Variants in RPS6KL1 observed in about 807,000 individuals in gnomAD.
The protein encoded by RPS6KL1 is ribosomal protein S6 kinase-like 1.
In RPS6KL1, 41 loss-of-function variants were observed where a neutral mutation model predicts 57.0. The observed-to-expected ratio is 0.72, with a 90% CI of 0.56 to 0.93. The LOEUF (loss-of-function observed/expected upper bound fraction) is 0.93, where lower values mean the gene tolerates loss of function less well. RPS6KL1 is among the 40% of genes least tolerant of loss of function. The pLI, the probability that RPS6KL1 is intolerant of heterozygous loss-of-function variation, is 0.00. For synonymous variants in RPS6KL1, 287 were observed against 309.7 expected, an observed-to-expected ratio of 0.93 and a Z score of 0.77; for missense variants, 697 against 727.7, an observed-to-expected ratio of 0.96 and a Z score of 0.49.
At chr14:74,911,958 C>T (rs1044421000) in intron 5 of RPS6KL1, 117 bp from the exon 6 acceptor site, 7 of 796,476 alleles carry the variant, frequency 8.8e-6, no homozygotes, top group South Asian at 1.6e-5. Flanking sequence ...AGTGGCAGGG[C>T]AGGGAGGGCG....
chr14:74,908,257 C>T (rs1885258381), intron 10 of RPS6KL1, among the ~76,000 whole-genome samples: 1 of 152,228 alleles, frequency 6.6e-6, no homozygotes, highest in African/African-American at 2.4e-5. Context: ...TTGCTGCCTA[C>T]ATAACTGGCC....
chr14:74,918,093 A>ATTT (rs67643187), intron 5 of RPS6KL1, among the ~76,000 whole-genome samples: 9 of 149,710 alleles, frequency 6.0e-5, no homozygotes, highest in Non-Finnish European at 1.3e-4. Flanking sequence ...TCTTCTTTTT[A>ATTT]TATTTTATTT....
At chr14:74,910,642 C>T (rs9652372) in intron 7 of RPS6KL1, 19,222 of 157,580 alleles carry the variant, frequency 0.12, 1,516 homozygotes, top group African/African-American at 0.23. Context: ...CCCAAGGGAT[C>T]GGCACAACCC....
In RPS6KL1 at chr14:74,919,828, G is replaced by GGT. The variant is rs748985566; in HGVS notation, c.390+16_390+17insAC. On this transcript the variant is annotated intron_variant, in intron 4 of 11. Transcript: ENST00000557413. Reference sequence around the variant, plus strand: ...CCTCCTCCCGCTCAGGCCTTTGGGTGGGGGGGGTCTCCTCACCGCGCTGGG... The same window carrying GGT: ...CCTCCTCCCGCTCAGGCCTTTGGGTGGTGGGGGGGTCTCCTCACCGCGCTGGG... 274 of 1,491,556 alleles carry GGT rather than the reference G, an allele frequency of 1.8e-4. 4 individuals are homozygous for GGT. In the South Asian group the frequency reaches 2.8e-3, roughly 15 times the overall value. The allele number at this position is 1,491,556 out of a possible 1,614,324, so 92.4% of individuals were successfully genotyped here.
intron 3 of RPS6KL1, 39 bp downstream of exon 3, chr14:74,921,238 T>TGCCCCCCCCCCCCCCCCCC: frequency 1.5e-4 from 122 of 839,922 alleles, no homozygotes; most frequent in East Asian, 2.4e-4. Flanking sequence ...CACTGGCCCT[T>TGCCCCCCCCCCCCCCCCCC]CCCCACCCAC....
intron 5 of RPS6KL1, among the ~76,000 whole-genome samples, chr14:74,913,891 A>G (rs1020946760): frequency 6.6e-6 from 1 of 152,218 alleles, no homozygotes; most frequent in African/African-American, 2.4e-5. Flanking sequence ...AGGTTGTTTA[A>G]TTTTATCCCC....
At chr14:74,911,142 G>A in intron 7 of RPS6KL1, 106 bp downstream of exon 7, 2 of 1,130,300 alleles carry the variant, frequency 1.8e-6, no homozygotes, top group Non-Finnish European at 1.3e-6. Context: ...AAAGTGCTGG[G>A]ATTACAGGCG....
In RPS6KL1 at chr14:74,921,609, C is replaced by T. The variant is rs1452067761; in HGVS notation, c.-20-48G>A. On this transcript the variant is annotated intron_variant, in intron 2 of 11. Coordinates refer to ENST00000557413, the MANE Select transcript of RPS6KL1 (RefSeq NM_031464.5). ...GGAGGACCTAGCTGGTAGCAACACCCCTATCCGCACCCCAGTTTCCTCCAC... is the reference window on the plus strand; with the variant it reads ...GGAGGACCTAGCTGGTAGCAACACCTCTATCCGCACCCCAGTTTCCTCCAC... 6.5e-6 allele frequency: 10 copies of T among 1,540,610 alleles called. No individual in the cohort carries two copies. The East Asian group carries it at 2.1e-4, about 33-fold the overall frequency.
Position 74,922,314 on chromosome 14 carries a change from T to G in RPS6KL1, c.-357A>C. The stretch of plus-strand genomic sequence containing the variant: ...TCCACCCTGCCTGTTGTCTCCTCCC[T>G]GCTCCTCCTGTGGGAATCTCATTTA... On this transcript the variant is annotated 5_prime_UTR_variant, in exon 2 of 12. Coordinates refer to ENST00000557413, the MANE Select transcript of RPS6KL1 (RefSeq NM_031464.5). 2 of 986,384 alleles carry G rather than the reference T, an allele frequency of 2.0e-6. No individual in the cohort carries two copies. Among genetic ancestry groups the G allele is most frequent in the Non-Finnish European group, 2.4e-6 (2 of 830,582 alleles). The allele number at this position is 986,384 out of a possible 1,614,324, so 61.1% of individuals were successfully genotyped here. A position where few individuals can be genotyped will look rare whatever the true frequency, so the allele number is the denominator to read the frequency against.
At chr14:74,910,515 T>A (rs1182449465) in intron 7 of RPS6KL1, 1 of 176,796 alleles carries the variant, frequency 5.7e-6, no homozygotes, top group African/African-American at 2.4e-5. Context: ...TGACTATATG[T>A]CATGACCCCA....
chr14:74,907,580 T>C (rs1885137574), intron 10 of RPS6KL1, 50 bp from the exon 11 acceptor site: 1 of 1,509,586 alleles, frequency 6.6e-7, no homozygotes, highest in Non-Finnish European at 8.9e-7. Flanking sequence ...CAGGACCGTC[T>C]ACACTCCAGT....
chr14:74,917,323 G>A (rs1355991823), intron 5 of RPS6KL1, among the ~76,000 whole-genome samples: 1 of 152,232 alleles, frequency 6.6e-6, no homozygotes, highest in African/African-American at 2.4e-5. Flanking sequence ...AGAGAGCAGG[G>A]GGCTTGCCCG....
intron 2 of RPS6KL1, 193 bp downstream of exon 2, chr14:74,921,785 T>C: frequency 1.5e-6 from 2 of 1,332,556 alleles, no homozygotes; most frequent in African/African-American, 1.5e-5. Context: ...TTCTTTTTTT[T>C]TTTTTTTTTT....
Position 74,909,078 on chromosome 14 carries a change from A to G in RPS6KL1, c.1360+23T>C, listed in dbSNP as rs530621298. The G allele has an allele frequency of 7.4e-6, 12 of 1,610,746 alleles. No individual in the cohort carries two copies. The African/African-American group carries it at 1.3e-4, about 18-fold the overall frequency. On this transcript the variant is annotated intron_variant, in intron 9 of 11. Transcript: ENST00000557413. Reference sequence around the variant, plus strand: ...CAAAGGCACCCAGGTGCTAAGGCCCACCCTGGCCTCCCCCCTTCTTGCCTG... The same window carrying G: ...CAAAGGCACCCAGGTGCTAAGGCCCGCCCTGGCCTCCCCCCTTCTTGCCTG...
rs905536501 is a variant in RPS6KL1 at position 74,922,240 on chromosome 14, A to G, written c.-283T>C. 5.1e-6 allele frequency: 5 copies of G among 985,902 alleles called. No homozygotes were observed. The African/African-American group carries it at 7.0e-5, about 14-fold the overall frequency. The allele number at this position is 985,902 out of a possible 1,614,324, so 61.1% of individuals were successfully genotyped here. A position where few individuals can be genotyped will look rare whatever the true frequency, so the allele number is the denominator to read the frequency against. ...TTGGTATCCAGTACGCATTCAGCAC[A>G]TGGAGGCCACACACGCTGGGCTCAA... On this transcript the variant is annotated 5_prime_UTR_variant, in exon 2 of 12. It removes an upstream start codon present in the reference 5' UTR. Transcript: ENST00000557413.
rs541319856 is a variant in RPS6KL1 at position 74,922,430 on chromosome 14, G to C, written c.-473C>G. On this transcript the variant is annotated 5_prime_UTR_variant, in exon 2 of 12. Transcript: ENST00000557413. Reference sequence around the variant, plus strand: ...GTCCTGAGGTCAGTGTGGTCAGCGAGTGAGGACCCCTCCTGGAGCCAGCAG... The same window carrying C: ...GTCCTGAGGTCAGTGTGGTCAGCGACTGAGGACCCCTCCTGGAGCCAGCAG... The C allele has an allele frequency of 2.3e-5, 18 of 770,772 alleles. No homozygotes were observed. In the South Asian group the frequency reaches 9.3e-4, roughly 40 times the overall value. The allele number at this position is 770,772 out of a possible 1,614,324, so 47.7% of individuals were successfully genotyped here.
At chr14:74,910,362 AG>A in intron 7 of RPS6KL1, 4 of 382,488 alleles carry the variant, frequency 1.0e-5, no homozygotes, top group Admixed American at 4.8e-5. Context: ...AAGTGGGCCC[AG>A]CCTTACAAAC....
In RPS6KL1 at chr14:74,905,450, C is replaced by T. The variant is rs933336006; in HGVS notation, c.*1564G>A. ...TCCAAGGCTTCTTCATCCTCTTCCC[C>T]ACAGAACCTGGTCCTCCCCGACCCC... On this transcript the variant is annotated 3_prime_UTR_variant, in exon 12 of 12. Transcript: ENST00000557413. The T allele has an allele frequency of 6.6e-6, 1 of 152,226 alleles. No homozygotes were observed. Among genetic ancestry groups the T allele is most frequent in the African/African-American group, 2.4e-5 (1 of 41,412 alleles). 9.4% of individuals were successfully genotyped at this position (152,226 alleles called of 1,614,324 possible).
chr14:74,906,816 C>T lies in RPS6KL1; in HGVS notation c.*198G>A. The T allele has an allele frequency of 1.4e-6, 1 of 719,106 alleles. No individual in the cohort carries two copies. The highest frequency in any genetic ancestry group is 1.4e-5 in the South Asian group (1 of 69,870). 44.5% of individuals were successfully genotyped at this position (719,106 alleles called of 1,614,324 possible). ...GGGCAAGCCTTGACTGCCCCCACCT[C>T]CAGCTTTTCCAGGAGCTGGCCCTTC... On this transcript the variant is annotated 3_prime_UTR_variant, in exon 12 of 12. Coordinates refer to ENST00000557413, the MANE Select transcript of RPS6KL1 (RefSeq NM_031464.5).
Sources: allele counts gnomAD v4.1 joint callset (sites outside exome capture counted in the v4.1 genomes callset), GRCh38; gene constraint gnomAD v4.1.1; transcripts MANE v1.5; gene names NCBI Gene and HGNC (gene_info 2026-07-23, HGNC 2026-07-21).